The following DCLK1 variants were observed in gnomAD, a reference collection of about 807,000 sequenced individuals.
DCLK1 encodes serine/threonine-protein kinase DCLK1.
In DCLK1, 16 loss-of-function variants were observed where a neutral mutation model predicts 86.2. The ratio of observed to expected loss-of-function variants is 0.19; its 90% CI spans 0.13 to 0.28. The LOEUF is 0.28. DCLK1 is among the 10% of genes least tolerant of loss of function. DCLK1 has a pLI of 1.00. For missense variants in DCLK1, 590 were observed against 940.2 expected (o/e 0.63, Z 4.87); for synonymous variants, 369 against 370.5 (o/e 1.00, Z 0.05).
At chr13:35,987,493 G>A (rs764710658) in intron 3 of DCLK1, among the ~76,000 whole-genome samples, 3 of 152,070 alleles carry the variant, frequency 2.0e-5, no homozygotes, top group Non-Finnish European at 2.9e-5. Flanking sequence ...TATTTAAAAC[G>A]ACCCTTAGGG....
At chr13:35,860,078 G>T (rs573884968) in intron 5 of DCLK1, among the ~76,000 whole-genome samples, 1 of 152,234 alleles carries the variant, frequency 6.6e-6, no homozygotes, top group African/African-American at 2.4e-5. Flanking sequence ...ACTTAAGGAG[G>T]CTCATTTATT....
At chr13:35,951,238 G>T (rs2153134263) in intron 3 of DCLK1, among the ~76,000 whole-genome samples, 1 of 148,970 alleles carries the variant, frequency 6.7e-6, no homozygotes, top group African/African-American at 2.5e-5. Context: ...TTTGTTGGAT[G>T]GATGGACGAT....
chr13:35,967,306 C>T (rs1409299817), intron 3 of DCLK1, among the ~76,000 whole-genome samples: 4 of 152,036 alleles, frequency 2.6e-5, no homozygotes, highest in Admixed American at 6.5e-5. Context: ...TCTGCCCGGC[C>T]GCCACCCCAT....
chr13:35,916,919 A>G (rs1323927708), intron 4 of DCLK1, among the ~76,000 whole-genome samples: 2 of 152,064 alleles, frequency 1.3e-5, no homozygotes, highest in Non-Finnish European at 2.9e-5. Context: ...CCTAGAAAGG[A>G]TTTTCTGACC....
intron 16 of DCLK1, among the ~76,000 whole-genome samples, chr13:35,784,755 T>C (rs2086588708): frequency 6.6e-6 from 1 of 151,946 alleles, no homozygotes; most frequent in African/African-American, 2.4e-5. Context: ...GGGGACAGCG[T>C]TCTCACTCTG....
intron 3 of DCLK1, among the ~76,000 whole-genome samples, chr13:36,105,615 A>C (rs1364983224): frequency 1.3e-5 from 2 of 152,186 alleles, no homozygotes; most frequent in African/African-American, 2.4e-5. Flanking sequence ...CTGTCATGTT[A>C]TCATGTATAT....
chr13:35,907,496 C>A (rs190806354), intron 4 of DCLK1, among the ~76,000 whole-genome samples: 9 of 152,294 alleles, frequency 5.9e-5, no homozygotes, highest in African/African-American at 2.2e-4. Flanking sequence ...TCCCAAGCTT[C>A]CCTTTTTCAG....
intron 3 of DCLK1, among the ~76,000 whole-genome samples, chr13:35,964,615 AT>A (rs1878631348): frequency 6.6e-6 from 1 of 152,154 alleles, no homozygotes; most frequent in African/African-American, 2.4e-5. Flanking sequence ...CATACTTTTT[AT>A]TTTGCTTGCA....
intron 3 of DCLK1, among the ~76,000 whole-genome samples, chr13:35,961,429 G>T (rs1202736750): frequency 6.6e-6 from 1 of 152,050 alleles, no homozygotes; most frequent in Non-Finnish European, 1.5e-5. Flanking sequence ...AAATTATTCT[G>T]GTCTAACAGC....
At chr13:36,121,952 T>G (rs1593910472) in intron 2 of DCLK1, among the ~76,000 whole-genome samples, 1 of 152,142 alleles carries the variant, frequency 6.6e-6, no homozygotes, top group African/African-American at 2.4e-5. Context: ...GTTTTTGCTT[T>G]TGTTTTTAAA....
At chr13:35,795,938 A>C (rs1566536313) in intron 15 of DCLK1, among the ~76,000 whole-genome samples, 2 of 151,782 alleles carry the variant, frequency 1.3e-5, no homozygotes, top group Non-Finnish European at 2.9e-5. Context: ...AAAAAAAAAA[A>C]AAAAAACCAA....
intron 4 of DCLK1, among the ~76,000 whole-genome samples, chr13:35,898,058 A>G (rs549540937): frequency 6.6e-6 from 1 of 152,352 alleles, no homozygotes; most frequent in African/African-American, 2.4e-5. Context: ...AGCAGAGGGC[A>G]TATGTGGCTG....
intron 4 of DCLK1, among the ~76,000 whole-genome samples, chr13:35,907,145 G>A (rs1874730961): frequency 6.6e-6 from 1 of 152,090 alleles, no homozygotes; most frequent in South Asian, 2.1e-4. Context: ...ACAACAATAT[G>A]TAACATTTCT....
chr13:35,909,889 C>T (rs1593723106), intron 4 of DCLK1, among the ~76,000 whole-genome samples: 1 of 152,112 alleles, frequency 6.6e-6, no homozygotes, highest in Non-Finnish European at 1.5e-5. Flanking sequence ...TTGCCTCTCT[C>T]ACCAAAAACA....
At chr13:36,024,500 A>G (rs1881951242) in intron 3 of DCLK1, among the ~76,000 whole-genome samples, 1 of 152,234 alleles carries the variant, frequency 6.6e-6, no homozygotes, top group Non-Finnish European at 1.5e-5. Flanking sequence ...AAAAAGAATT[A>G]AAGAGTTAGA....
Position 36,071,724 on chromosome 13 carries a change from T to C in DCLK1, c.723+40145A>G, listed in dbSNP as rs115126594. On this transcript the variant is annotated intron_variant, in intron 3 of 16. Transcript: ENST00000360631. ...AAGGCTAAGAAACACTAAAGAATTT[T>C]CCCAGTTCACACAGCTAACAAGGAG... Among the ~76,000 whole-genome samples, 499 of 152,300 alleles carry C rather than the reference T, an allele frequency of 3.3e-3. 1 individual carries two copies. The highest frequency in any genetic ancestry group is 0.012 in the African/African-American group (480 of 41,560).
At chr13:36,080,646 T>C (rs553331799) in intron 3 of DCLK1, among the ~76,000 whole-genome samples, 4 of 152,216 alleles carry the variant, frequency 2.6e-5, no homozygotes, top group Non-Finnish European at 5.9e-5. Flanking sequence ...TATTTCAATA[T>C]GTAGCCTGCC....
chr13:35,834,792 G>A (rs1253102155), intron 8 of DCLK1, among the ~76,000 whole-genome samples: 3 of 152,180 alleles, frequency 2.0e-5, no homozygotes, highest in Non-Finnish European at 4.4e-5. Flanking sequence ...TGCCCCTCCT[G>A]GATGCACAGT....
At chr13:35,850,165 T>A (rs180871849) in intron 6 of DCLK1, 1 of 985,256 alleles carries the variant, frequency 1.0e-6, no homozygotes, top group East Asian at 1.1e-4. Flanking sequence ...AGTAGCTTTT[T>A]CTACTGTCTA....
Sources: gnomAD v4.1 joint callset for allele counts (sites outside exome capture counted in the v4.1 genomes callset) on GRCh38, gnomAD v4.1.1 for gene constraint, MANE v1.5 for transcripts, NCBI Gene and HGNC (gene_info 2026-07-23, HGNC 2026-07-21) for gene names.